ST7: variants seen among roughly 807,000 people sequenced by gnomAD.
The protein encoded by ST7 is suppression of tumorigenicity 7, also known as suppressor of tumorigenicity 7 protein.
Under a neutral mutation model 78.7 loss-of-function variants are expected in ST7, and 28 were observed. The observed-to-expected ratio is 0.36, with a 90% CI of 0.26 to 0.49. ST7 has a LOEUF of 0.49. Ranked by LOEUF, ST7 falls within the 20% of genes least tolerant of loss-of-function variation. ST7 has a pLI of 0.99. For missense variants in ST7, 418 were observed against 696.0 expected (o/e 0.60, Z 4.49); for synonymous variants, 247 against 249.6 (o/e 0.99, Z 0.10).
chr7:117,129,894 G>C, intron 4 of ST7, 47 bp downstream of exon 4: 1 of 1,488,618 alleles, frequency 6.7e-7, no homozygotes, highest in East Asian at 2.3e-5. Flanking sequence ...GGTTCAGAGA[G>C]CAAAGACAGC....
chr7:117,154,179 G>A (rs887027958), intron 9 of ST7, among the ~76,000 whole-genome samples: 7 of 152,100 alleles, frequency 4.6e-5, no homozygotes, highest in Non-Finnish European at 1.0e-4. Context: ...TGAGGGTAGA[G>A]CCCTTACAGA....
chr7:116,977,798 C>T (rs571177886), intron 1 of ST7, among the ~76,000 whole-genome samples: 4 of 152,338 alleles, frequency 2.6e-5, no homozygotes, highest in Admixed American at 1.3e-4. Context: ...ATGATTCGTC[C>T]GGCCTTGGCC....
Position 117,219,828 on chromosome 7 carries a change from A to G in ST7, c.1498+652A>G, listed in dbSNP as rs1008708815. Among the ~76,000 whole-genome samples the G allele has an allele frequency of 6.6e-5, 10 of 152,382 alleles. No homozygotes were observed. The highest frequency in any genetic ancestry group is 3.9e-4 in the Admixed American group (6 of 15,308). On this transcript the variant is annotated intron_variant, in intron 14 of 15. Coordinates refer to ENST00000323984, the MANE Select transcript of ST7 (RefSeq NM_001369598.1). The surrounding 1 kb of genome is among the most constrained non-coding windows in gnomAD (Gnocchi z 5.1). ...CTACCTTACACTTGCTAGCAGTCTA[A>G]TGACCCATACCACATGTGGAAAATA... is the stretch of plus-strand genomic sequence containing the variant.
At chr7:117,113,007 G>C (rs1016011560) in intron 2 of ST7, among the ~76,000 whole-genome samples, 1 of 152,214 alleles carries the variant, frequency 6.6e-6, no homozygotes, top group African/African-American at 2.4e-5. Context: ...GGGTAGAACA[G>C]ATTAATGATA....
chr7:117,200,308 T>C (rs1810699858), intron 12 of ST7, among the ~76,000 whole-genome samples: 1 of 151,996 alleles, frequency 6.6e-6, no homozygotes, highest in South Asian at 2.1e-4. Context: ...AAATAACAGA[T>C]GGGTGTGACC....
At chr7:117,123,329 G>T (rs1033751749) in intron 3 of ST7, among the ~76,000 whole-genome samples, 1 of 152,154 alleles carries the variant, frequency 6.6e-6, no homozygotes, top group Non-Finnish European at 1.5e-5. Flanking sequence ...TGGGATGGGG[G>T]TGGTGGAGTG....
At chr7:117,130,443 T>C in intron 4 of ST7, 48 bp from the exon 5 acceptor site, 8 of 1,390,658 alleles carry the variant, frequency 5.8e-6, no homozygotes, top group Non-Finnish European at 8.1e-6. Flanking sequence ...TTATAGGTCT[T>C]GCTTTTCTCT....
At chr7:117,059,807 C>CAAAAAAAAAAA (rs35792944) in intron 1 of ST7, among the ~76,000 whole-genome samples, 4 of 31,998 alleles carry the variant, frequency 1.3e-4, no homozygotes, top group African/African-American at 4.2e-4. Context: ...TTCATCTCTG[C>CAAAAAAAAAAA]AAAAAAAAAA....
At chr7:117,023,692 A>G (rs749239627) in intron 1 of ST7, among the ~76,000 whole-genome samples, 1 of 152,170 alleles carries the variant, frequency 6.6e-6, no homozygotes, top group Non-Finnish European at 1.5e-5. Flanking sequence ...TGTGGTCAGA[A>G]TACTTTAGGT....
chr7:116,954,648 G>A (rs1169849924), intron 1 of ST7: 4 of 153,726 alleles, frequency 2.6e-5, no homozygotes, highest in African/African-American at 9.7e-5. Context: ...TCGAGCTAAG[G>A]GTTACAGTCC....
At position 117,092,368 on chromosome 7, in the gene ST7, G is replaced by A. The variant is rs539357132; in HGVS notation, c.152-7394G>A. 5.3e-5 allele frequency among the ~76,000 whole-genome samples: 8 copies of A among 150,282 alleles called. 1 individual carries two copies. In the South Asian group the frequency reaches 8.5e-4, roughly 16 times the overall value. On this transcript the variant is annotated intron_variant, in intron 1 of 15. Coordinates refer to ENST00000323984, the MANE Select transcript of ST7 (RefSeq NM_001369598.1). ...TATGAATACCAGCAGAGCAGGGATC[G>A]TTGGAGTCACTTTAGCGTTTGTCTG...
intron 10 of ST7, among the ~76,000 whole-genome samples, chr7:117,175,219 A>T (rs1252928367): frequency 6.6e-6 from 1 of 152,152 alleles, no homozygotes; most frequent in South Asian, 2.1e-4. Flanking sequence ...TCAGTCATAC[A>T]TTTGCTATAA....
At chr7:117,099,570 T>A (rs1801410907) in intron 1 of ST7, among the ~76,000 whole-genome samples, 192 bp from the exon 2 acceptor site, 1 of 152,246 alleles carries the variant, frequency 6.6e-6, no homozygotes, top group African/African-American at 2.4e-5. Flanking sequence ...TCTTTCAGTA[T>A]ATATTACTTG....
chr7:117,013,927 G>A (rs533282767), intron 1 of ST7, among the ~76,000 whole-genome samples: 10 of 152,276 alleles, frequency 6.6e-5, no homozygotes, highest in Non-Finnish European at 1.0e-4. Context: ...TTTGTATTAC[G>A]CACTTTTGAT....
chr7:117,130,068 A>G (rs749834756), intron 4 of ST7, among the ~76,000 whole-genome samples: 9 of 151,948 alleles, frequency 5.9e-5, no homozygotes, highest in Non-Finnish European at 1.3e-4. Flanking sequence ...GAGTTTTTGT[A>G]TTAACAGTTA....
rs10272848 is a variant in ST7 at position 116,979,998 on chromosome 7, G to A, written c.151+26307G>A. 5.7e-5 allele frequency among the ~76,000 whole-genome samples: 6 copies of A among 105,904 alleles called. No homozygotes were observed. The Admixed American group carries it at 7.9e-4, about 14-fold the overall frequency. 69.5% of individuals were successfully genotyped at this position (105,904 alleles called of 152,430 possible). A position where few individuals can be genotyped will look rare whatever the true frequency, so the allele number is the denominator to read the frequency against. On this transcript the variant is annotated intron_variant, in intron 1 of 15. Coordinates refer to ENST00000323984, the MANE Select transcript of ST7 (RefSeq NM_001369598.1). ...TTTGGAGACAGAGTCTCACTCTGTC[G>A]CATGGGCTGGAGTGCAGTGCTGCGA...
chr7:117,026,089 A>G (rs1166858089), intron 1 of ST7, among the ~76,000 whole-genome samples: 1 of 152,204 alleles, frequency 6.6e-6, no homozygotes, highest in African/African-American at 2.4e-5. Context: ...TGGGGAGTCT[A>G]TGGGGAAAAT....
Position 116,953,723 on chromosome 7 carries a change from A to G in ST7, c.151+32A>G, listed in dbSNP as rs535830871. Reference sequence around the variant, plus strand: ...CCTGGGAGCCGGGCCCGCGGCGCCCACCCCTCCCCCGCCCCGGAAAGTTAG... The same window carrying G: ...CCTGGGAGCCGGGCCCGCGGCGCCCGCCCCTCCCCCGCCCCGGAAAGTTAG... On this transcript the variant is annotated intron_variant, in intron 1 of 15. Transcript: ENST00000323984. 5.2e-5 allele frequency: 69 copies of G among 1,329,608 alleles called. No individual in the cohort carries two copies. In the South Asian group the frequency reaches 9.3e-4, roughly 18 times the overall value. 82.4% of individuals were successfully genotyped at this position (1,329,608 alleles called of 1,614,324 possible).
At chr7:117,164,953 A>G (rs1807429269) in intron 9 of ST7, among the ~76,000 whole-genome samples, 1 of 152,024 alleles carries the variant, frequency 6.6e-6, no homozygotes, top group African/African-American at 2.4e-5. Context: ...CTGTGACTTT[A>G]GGAGGTGGCA....
Sources: allele counts gnomAD v4.1 joint callset (sites outside exome capture counted in the v4.1 genomes callset), GRCh38; gene constraint gnomAD v4.1.1; non-coding constraint Gnocchi (gnomAD v3.1); transcripts MANE v1.5; gene names NCBI Gene and HGNC (gene_info 2026-07-23, HGNC 2026-07-21).